Variants in KPNA6 observed in about 807,000 individuals in gnomAD.
KPNA6 encodes the protein importin subunit alpha-7.
A neutral mutation model predicts 72.0 loss-of-function variants in KPNA6; 9 were observed. The ratio of observed to expected loss-of-function variants is 0.13; its 90% confidence interval spans 0.08 to 0.22. The LOEUF is 0.22. KPNA6 is among the 10% of genes least tolerant of loss of function. The pLI is 1.00. For missense variants in KPNA6, 374 were observed against 655.7 expected (o/e 0.57, Z 4.69); for synonymous variants, 219 against 242.1 (o/e 0.90, Z 0.89).
chr1:32,158,408 G>A, intron 5 of KPNA6, 47 bp downstream of exon 5: 1 of 1,166,200 alleles, frequency 8.6e-7, no homozygotes, highest in South Asian at 1.2e-5. Flanking sequence ...AATTTTTGGG[G>A]GATACATAGT....
intron 2 of KPNA6, among the ~76,000 whole-genome samples, chr1:32,156,312 T>C (rs988008522): frequency 1.3e-5 from 2 of 152,022 alleles, no homozygotes; most frequent in Non-Finnish European, 2.9e-5. Flanking sequence ...ACCTTACATA[T>C]ACTATGTTTT....
At chr1:32,163,803 G>A (rs1031840613) in intron 10 of KPNA6, among the ~76,000 whole-genome samples, 3 of 152,182 alleles carry the variant, frequency 2.0e-5, no homozygotes, top group South Asian at 4.1e-4. Flanking sequence ...TTTGAGTAGC[G>A]AGCATAATTC....
At position 32,170,990 on chromosome 1, in the gene KPNA6, C is replaced by G. The variant is rs1570082705; in HGVS notation, c.*96C>G. On this transcript the variant is annotated 3_prime_UTR_variant, in exon 14 of 14. Transcript: ENST00000373625. ...GGGAAACCAGTGTCCCCACCATCAG[C>G]CACCACACACCTCTGCTGCCCTGGA... 1 of 1,028,950 alleles carries G rather than the reference C, an allele frequency of 9.7e-7. No homozygotes were observed. Among genetic ancestry groups the G allele is most frequent in the East Asian group, 2.5e-5 (1 of 40,474 alleles). 63.7% of individuals were successfully genotyped at this position (1,028,950 alleles called of 1,614,324 possible).
intron 3 of KPNA6, 44 bp from the exon 4 acceptor site, chr1:32,157,302 T>C: frequency 6.8e-7 from 1 of 1,463,838 alleles, no homozygotes. Flanking sequence ...CACATCTGGC[T>C]CTAATGTTGG....
intron 1 of KPNA6, among the ~76,000 whole-genome samples, chr1:32,120,276 G>A (rs929928284): frequency 5.5e-5 from 8 of 144,664 alleles, no homozygotes; most frequent in South Asian, 4.3e-4. Flanking sequence ...ATGGAGTCTC[G>A]CTCTGCCGCA....
chr1:32,138,265 C>T (rs1260175329), intron 1 of KPNA6, among the ~76,000 whole-genome samples: 2 of 151,808 alleles, frequency 1.3e-5, no homozygotes, highest in East Asian at 1.9e-4. Context: ...TGGAAGCTGG[C>T]CAGGCGCGGT....
intron 7 of KPNA6, among the ~76,000 whole-genome samples, chr1:32,160,906 C>T (rs1413051960): frequency 6.6e-6 from 1 of 152,170 alleles, no homozygotes; most frequent in Non-Finnish European, 1.5e-5. Flanking sequence ...CCTGTAATCC[C>T]AGCACTTTGG....
intron 1 of KPNA6, among the ~76,000 whole-genome samples, chr1:32,111,335 A>G (rs1641240501): frequency 6.6e-6 from 1 of 152,222 alleles, no homozygotes; most frequent in South Asian, 2.1e-4. Context: ...AAGTTAAGAA[A>G]TAAAGTTAGT....
intron 1 of KPNA6, among the ~76,000 whole-genome samples, chr1:32,144,117 A>G (rs1200024266): frequency 6.6e-6 from 1 of 152,234 alleles, no homozygotes. Context: ...GATTGAGAAC[A>G]ATAATAATAA....
At chr1:32,136,181 C>CTTTTTTTTTTTTTTTTTT (rs759447035) in intron 1 of KPNA6, among the ~76,000 whole-genome samples, 28 of 139,300 alleles carry the variant, frequency 2.0e-4, no homozygotes, top group South Asian at 4.8e-4. Flanking sequence ...TAGCTTCTCT[C>CTTTTTTTTTTTTTTTTTT]TTTTTTTTTT....
chr1:32,110,615 C>T (rs1380395723), intron 1 of KPNA6, among the ~76,000 whole-genome samples: 1 of 152,126 alleles, frequency 6.6e-6, no homozygotes, highest in African/African-American at 2.4e-5. Context: ...AATAAGATAA[C>T]AGCATTTGGG....
chr1:32,157,971 C>G (rs12240258), intron 4 of KPNA6, among the ~76,000 whole-genome samples: 18,269 of 152,136 alleles, frequency 0.12, 1,420 homozygotes, highest in South Asian at 0.25. Context: ...GGGAAATGTG[C>G]AGACCATGGT....
chr1:32,167,303 C>T lies in KPNA6; in HGVS notation c.1244+7C>T, dbSNP rs774500576. ...GAACCCCTGAGCAGATCAGGTATTA[C>T]ATTCCTTTCCCGTTGTCTTGAATGA... On this transcript the variant is annotated splice_region_variant and intron_variant, in intron 12 of 13. Transcript: ENST00000373625. 3 of 1,613,974 alleles carry T rather than the reference C, an allele frequency of 1.9e-6. No individual in the cohort carries two copies. The highest frequency in any genetic ancestry group is 2.5e-6 in the Non-Finnish European group (3 of 1,179,918).
chr1:32,135,533 A>T (rs909328838), intron 1 of KPNA6, among the ~76,000 whole-genome samples: 4 of 139,774 alleles, frequency 2.9e-5, no homozygotes, highest in African/African-American at 8.0e-5. Flanking sequence ...GGGTCTAATT[A>T]TGTTGCCCAG....
intron 1 of KPNA6, among the ~76,000 whole-genome samples, chr1:32,135,294 C>T (rs909615805): frequency 2.0e-4 from 30 of 152,068 alleles, no homozygotes; most frequent in Admixed American, 5.9e-4. Flanking sequence ...CTTGAACTCC[C>T]GACCTCAGGT....
intron 1 of KPNA6, among the ~76,000 whole-genome samples, chr1:32,113,423 C>CATGTATGTGTGT (rs1246153513): frequency 2.0e-5 from 3 of 151,960 alleles, no homozygotes; most frequent in Non-Finnish European, 4.4e-5. Context: ...GTTGTCATTT[C>CATGTATGTGTGT]ATGTATGTGT....
intron 1 of KPNA6, among the ~76,000 whole-genome samples, chr1:32,128,389 A>ATT (rs1419511761): frequency 6.2e-4 from 20 of 32,002 alleles, no homozygotes; most frequent in Admixed American, 1.2e-3. Flanking sequence ...ATATGTATTT[A>ATT]TATATATATA....
chr1:32,150,752 G>A (rs935368066), intron 1 of KPNA6, among the ~76,000 whole-genome samples: 6 of 151,978 alleles, frequency 3.9e-5, no homozygotes, highest in Non-Finnish European at 8.8e-5. Context: ...TCAGCCTCCC[G>A]AGTAGCTGGG....
chr1:32,132,216 C>T (rs1242835577), intron 1 of KPNA6, among the ~76,000 whole-genome samples: 2 of 152,104 alleles, frequency 1.3e-5, no homozygotes, highest in Non-Finnish European at 2.9e-5. Context: ...GGTGATCTGC[C>T]CGCCTTGGCT....
Sources: gnomAD v4.1 joint callset for allele counts (sites outside exome capture counted in the v4.1 genomes callset) on GRCh38, gnomAD v4.1.1 for gene constraint, MANE v1.5 for transcripts, NCBI Gene and HGNC (gene_info 2026-07-23, HGNC 2026-07-21) for gene names.